Variants in PVT1 observed in about 807,000 individuals in gnomAD.
The protein encoded by PVT1 is Pvt1 oncogene.
intron 4 of PVT1, among the ~76,000 whole-genome samples, chr8:128,028,483 G>A (rs1813347139): frequency 2.0e-5 from 3 of 152,246 alleles, no homozygotes; most frequent in Admixed American, 1.3e-4. Context: ...AGCAGGAATA[G>A]CCTGGCTGGG....
At chr8:128,094,988 G>C (rs1310621881) in intron 5 of PVT1, among the ~76,000 whole-genome samples, 1 of 152,226 alleles carries the variant, frequency 6.6e-6, no homozygotes, top group African/African-American at 2.4e-5. Flanking sequence ...CAGCCCCGGA[G>C]AGCAACTTCT....
rs140198457 is a variant in PVT1 at position 127,898,221 on chromosome 8, A to AAAAG, written n.782+7243_782+7246dup. ...CGTGAAGAAAGAAGAGAAAAGAAAG[A>AAAAG]AAAGAAAGAAAGAAAGAAAGAAACG... On this transcript the variant is annotated intron_variant and non_coding_transcript_variant, in intron 3 of 10. Transcript: ENST00000651587. This position sits in a 1 kb window ranked among gnomAD's most constrained non-coding sequence, Gnocchi z 4.4. 3.6e-4 allele frequency among the ~76,000 whole-genome samples: 55 copies of AAAAG among 151,960 alleles called. No homozygotes were observed. Among genetic ancestry groups the AAAAG allele is most frequent in the Non-Finnish European group, 6.3e-4 (43 of 67,964 alleles).
intron 2 of PVT1, among the ~76,000 whole-genome samples, chr8:127,822,280 T>G (rs1814740417): frequency 6.6e-6 from 1 of 152,122 alleles, no homozygotes; most frequent in Non-Finnish European, 1.5e-5. Context: ...AAGGAAAGAT[T>G]AAACAATTCA....
intron 6 of PVT1, among the ~76,000 whole-genome samples, chr8:128,096,898 A>C (rs1030319898): frequency 6.6e-6 from 1 of 152,162 alleles, no homozygotes; most frequent in Non-Finnish European, 1.5e-5. Context: ...TCAGCATGAG[A>C]GCTCACAGCA....
chr8:128,010,466 A>G (rs1473097296), intron 4 of PVT1: 3 of 152,182 alleles, frequency 2.0e-5, no homozygotes, highest in Admixed American at 1.3e-4. Context: ...TCAAAAGCCA[A>G]GTTCGGTCCC....
At chr8:127,972,766 A>G (rs916757458) in intron 3 of PVT1, among the ~76,000 whole-genome samples, 2 of 152,078 alleles carry the variant, frequency 1.3e-5, no homozygotes, top group Admixed American at 6.5e-5. Context: ...ATAAATAGAA[A>G]TAGCTTTGCC....
At chr8:127,983,876 A>ACT (rs1554601916) in intron 3 of PVT1, 1 of 121,022 alleles carries the variant, frequency 8.3e-6, no homozygotes, top group Non-Finnish European at 1.6e-5. Flanking sequence ...CTTGACTTTG[A>ACT]TTTTTTTTTT....
chr8:128,012,988 G>C (rs1046258240), intron 4 of PVT1, among the ~76,000 whole-genome samples: 7 of 152,172 alleles, frequency 4.6e-5, no homozygotes, highest in Non-Finnish European at 5.9e-5. Flanking sequence ...TTGGAATGAG[G>C]CATGAAGGGG....
chr8:127,904,065 TG>T (rs1453429215), intron 3 of PVT1, among the ~76,000 whole-genome samples: 4 of 152,252 alleles, frequency 2.6e-5, no homozygotes, highest in African/African-American at 7.2e-5. Flanking sequence ...GAGCATGAAA[TG>T]TTTTTCCATT....
chr8:127,809,071 A>C (rs1378677061), intron 2 of PVT1, among the ~76,000 whole-genome samples: 6 of 151,782 alleles, frequency 4.0e-5, no homozygotes, highest in Non-Finnish European at 7.4e-5. Context: ...AAAAAAAAGA[A>C]AAAGAAAAGG....
intron 4 of PVT1, among the ~76,000 whole-genome samples, chr8:128,068,504 T>C (rs1400201270): frequency 1.3e-5 from 2 of 152,106 alleles, no homozygotes; most frequent in Non-Finnish European, 2.9e-5. Flanking sequence ...TGTTTTTTGT[T>C]GTTGTTTGTT....
intron 2 of PVT1, among the ~76,000 whole-genome samples, chr8:127,868,782 T>TAC (rs1815314482): frequency 1.6e-5 from 1 of 60,656 alleles, no homozygotes; most frequent in Non-Finnish European, 3.0e-5. Flanking sequence ...TATATATATA[T>TAC]ATATATATAT....
At chr8:127,992,926 T>C (rs976159785) in intron 4 of PVT1, among the ~76,000 whole-genome samples, 1 of 152,192 alleles carries the variant, frequency 6.6e-6, no homozygotes, top group Admixed American at 6.5e-5. Context: ...CCAGCACCGG[T>C]CTTTCGCCAC....
At chr8:127,983,639 A>G (rs1325124304) in intron 3 of PVT1, among the ~76,000 whole-genome samples, 1 of 152,164 alleles carries the variant, frequency 6.6e-6, no homozygotes, top group Non-Finnish European at 1.5e-5. Flanking sequence ...ATGCCCTTTC[A>G]TCCCTAAATA....
intron 2 of PVT1, among the ~76,000 whole-genome samples, chr8:127,880,329 C>G (rs1005654285): frequency 6.6e-6 from 1 of 152,122 alleles, no homozygotes; most frequent in Non-Finnish European, 1.5e-5. Flanking sequence ...CTTGCTCTGT[C>G]CCCCAGGCTG....
At chr8:128,091,856 G>A (rs1008023154) in intron 5 of PVT1, among the ~76,000 whole-genome samples, 5 of 152,190 alleles carry the variant, frequency 3.3e-5, no homozygotes, top group Non-Finnish European at 7.3e-5. Flanking sequence ...GCAGTCATAG[G>A]AAAACTCAGG....
At position 127,905,383 on chromosome 8, in the gene PVT1, G is replaced by T. The variant is rs554085474; in HGVS notation, n.782+14385G>T. On this transcript the variant is annotated intron_variant and non_coding_transcript_variant, in intron 3 of 10. Coordinates refer to ENST00000651587, the Ensembl canonical transcript of PVT1. ...ATAGACCACCTGTGTGGTGCCCTGGGGGTTATGTCCACGGGGAGCCTCACA... is the reference window on the plus strand; with the variant it reads ...ATAGACCACCTGTGTGGTGCCCTGGTGGTTATGTCCACGGGGAGCCTCACA... Among the ~76,000 whole-genome samples the T allele has an allele frequency of 3.3e-5, 5 of 152,330 alleles. No homozygotes were observed. The South Asian group carries it at 1.0e-3, about 32-fold the overall frequency.
intron 2 of PVT1, chr8:127,855,309 G>A (rs566395791): frequency 2.3e-5 from 9 of 398,178 alleles, no homozygotes; most frequent in Admixed American, 1.8e-4. Flanking sequence ...TGGCTGTAAG[G>A]ACCCCTAAGG....
At chr8:127,844,870 C>T (rs1039107502) in intron 2 of PVT1, among the ~76,000 whole-genome samples, 22 of 152,228 alleles carry the variant, frequency 1.4e-4, no homozygotes, top group African/African-American at 4.3e-4. Flanking sequence ...CCCACCACCA[C>T]GCCTGGTTAA....
Sources: gnomAD v4.1 joint callset for allele counts (sites outside exome capture counted in the v4.1 genomes callset) on GRCh38, gnomAD v4.1.1 for gene constraint, Gnocchi (gnomAD v3.1) non-coding constraint, MANE v1.5 for transcripts, NCBI Gene and HGNC (gene_info 2026-07-23, HGNC 2026-07-21) for gene names.